The following DPYS variants were observed in gnomAD, a reference collection of about 807,000 sequenced individuals.
DPYS encodes the protein dihydropyrimidine amidohydrolase.
DPYS carries 39 observed loss-of-function variants against 50.3 expected under a neutral mutation model. That is an observed-to-expected ratio of 0.78 (90% CI 0.60 to 1.01). DPYS has a LOEUF of 1.01. DPYS is among the 50% of genes least tolerant of loss of function. The pLI is 0.00. For synonymous variants in DPYS, 245 were observed against 250.7 expected, an observed-to-expected ratio of 0.98 and a Z score of 0.22; for missense variants, 659 against 680.9, an observed-to-expected ratio of 0.97 and a Z score of 0.36.
chr8:104,381,470 G>T, intron 8 of DPYS, 156 bp from the exon 9 acceptor site: 2 of 677,636 alleles, frequency 3.0e-6, no homozygotes, highest in Non-Finnish European at 5.2e-6. Context: ...GAAATTCCTG[G>T]CAACCTTGAG....
chr8:104,423,873 A>G (rs1812633385), intron 7 of DPYS: 1 of 710,038 alleles, frequency 1.4e-6, no homozygotes, highest in African/African-American at 1.9e-5. Context: ...AAAGCTTTAA[A>G]AAGGCTGTAA....
intron 7 of DPYS, among the ~76,000 whole-genome samples, chr8:104,409,078 G>A (rs1371578905): frequency 6.6e-6 from 1 of 151,804 alleles, no homozygotes; most frequent in African/African-American, 2.4e-5. Flanking sequence ...TTACAGGTGT[G>A]AGCCACTGTG....
intron 7 of DPYS, chr8:104,419,503 G>T (rs1212188988): frequency 6.6e-6 from 1 of 152,266 alleles, no homozygotes; most frequent in Non-Finnish European, 1.5e-5. Flanking sequence ...AAGGGGTGGG[G>T]AAAACAGCTG....
At chr8:104,405,428 C>A (rs1811963471) in intron 7 of DPYS, among the ~76,000 whole-genome samples, 1 of 152,190 alleles carries the variant, frequency 6.6e-6, no homozygotes, top group Admixed American at 6.5e-5. Context: ...CTCATTCAAA[C>A]AATTACCTAC....
In DPYS at chr8:104,379,629, C is replaced by T. The variant is rs944935302; in HGVS notation, c.*229G>A. 8.7e-6 allele frequency: 2 copies of T among 228,628 alleles called. No individual in the cohort carries two copies. Among genetic ancestry groups the T allele is most frequent in the South Asian group, 5.2e-5 (1 of 19,326 alleles). The allele number at this position is 228,628 out of a possible 1,614,324, so 14.2% of individuals were successfully genotyped here. On this transcript the variant is annotated 3_prime_UTR_variant, in exon 10 of 10. Transcript: ENST00000351513. ...TCAATGAATTTCCACACAGCCTTTC[C>T]ATCACAATAATATAAATTTATACCT...
chr8:104,449,254 A>G, intron 2 of DPYS, among the ~76,000 whole-genome samples: 1 of 152,352 alleles, frequency 6.6e-6, no homozygotes, highest in African/African-American at 2.4e-5. Flanking sequence ...AAACATTGTT[A>G]GCATATTCAC....
chr8:104,440,987 A>G (rs1813334388), intron 4 of DPYS, among the ~76,000 whole-genome samples: 1 of 152,288 alleles, frequency 6.6e-6, no homozygotes, highest in Middle Eastern at 3.4e-3. Flanking sequence ...CTACCCAGGG[A>G]TCTGTCCTTT....
At chr8:104,404,293 G>A (rs1811922727) in intron 7 of DPYS, among the ~76,000 whole-genome samples, 1 of 152,146 alleles carries the variant, frequency 6.6e-6, no homozygotes, top group Non-Finnish European at 1.5e-5. Context: ...GGGTCTGTAA[G>A]CTGTTTTGGA....
intron 7 of DPYS, among the ~76,000 whole-genome samples, chr8:104,393,955 C>A (rs1811491473): frequency 6.6e-6 from 1 of 152,148 alleles, no homozygotes; most frequent in Admixed American, 6.6e-5. Context: ...TCCCTCACCC[C>A]TTCCCACCCT....
In DPYS at chr8:104,447,585, C is replaced by T. The variant is rs777465944; in HGVS notation, c.424-82G>A. The T allele has an allele frequency of 5.0e-5, 74 of 1,488,118 alleles. No individual in the cohort carries two copies. In the East Asian group the frequency reaches 5.0e-4, roughly 10 times the overall value. 92.2% of individuals were successfully genotyped at this position (1,488,118 alleles called of 1,614,324 possible). A position where few individuals can be genotyped will look rare whatever the true frequency, so the allele number is the denominator to read the frequency against. ...TCAACCTTCTCTAAAACGTTGCATT[C>T]GGAAGAGAACTAAGTAAAATAAGGA... is the stretch of plus-strand genomic sequence containing the variant. On this transcript the variant is annotated intron_variant, in intron 2 of 9. Coordinates refer to ENST00000351513, the MANE Select transcript of DPYS (RefSeq NM_001385.3).
intron 7 of DPYS, among the ~76,000 whole-genome samples, chr8:104,404,825 G>C (rs369701989): frequency 5.9e-5 from 9 of 152,244 alleles, no homozygotes; most frequent in African/African-American, 1.9e-4. Context: ...CAGCAGAGTT[G>C]AGTACTAGCA....
chr8:104,450,809 A>G (rs1813711952), intron 2 of DPYS, among the ~76,000 whole-genome samples: 1 of 152,210 alleles, frequency 6.6e-6, no homozygotes, highest in South Asian at 2.1e-4. Context: ...CTAGTTCTAG[A>G]GAATTCTAAA....
Position 104,451,320 on chromosome 8 carries a change from A to C in DPYS, c.349T>G (p.Trp117Gly). 6.2e-7 allele frequency: 1 copy of C among 1,614,222 alleles called. No individual in the cohort carries two copies. The highest frequency in any genetic ancestry group is 2.2e-5 in the East Asian group (1 of 44,886). Residue 117 changes from tryptophan (W) to glycine (G), a missense_variant, in exon 2 of 10, where the codon TGG becomes GGG. Transcript: ENST00000351513. ...ACTTTGGGATCAGCCCAGCTTCGCC[A>C]GGTCTCGAAGGCCTCAATGAGGGAG... ...GGSLIEAFET[W>G]RSWADPKVCC... is the part of the protein sequence containing the mutation.
At position 104,381,331 on chromosome 8, in the gene DPYS, C is replaced by T. The variant is rs774996693; in HGVS notation, c.1444-17G>A. 2.0e-5 allele frequency: 32 copies of T among 1,601,272 alleles called. No homozygotes were observed. The South Asian group carries it at 3.4e-4, about 17-fold the overall frequency. ...TGTGCAAGTCTGAAAGAGAACATTT[C>T]ATTTCTCTCTTGTGGTTTATTTTCT... On this transcript the variant is annotated splice_polypyrimidine_tract_variant and intron_variant, in intron 8 of 9. Transcript: ENST00000351513.
chr8:104,395,325 T>A (rs573105321), intron 7 of DPYS, among the ~76,000 whole-genome samples: 1 of 152,322 alleles, frequency 6.6e-6, no homozygotes, highest in East Asian at 1.9e-4. Context: ...TTATATTTTT[T>A]AAATTTACAA....
chr8:104,398,275 C>A (rs1361521916), intron 7 of DPYS, among the ~76,000 whole-genome samples: 2 of 152,220 alleles, frequency 1.3e-5, no homozygotes, highest in East Asian at 3.9e-4. Context: ...TGGGTCAATC[C>A]TGGGTTTAGG....
intron 4 of DPYS, among the ~76,000 whole-genome samples, chr8:104,439,834 G>T (rs748099996): frequency 2.0e-5 from 3 of 152,124 alleles, no homozygotes; most frequent in Non-Finnish European, 4.4e-5. Context: ...TTGATATCCA[G>T]GTTTTCCCAA....
At chr8:104,384,786 A>G (rs1370014923) in intron 8 of DPYS, among the ~76,000 whole-genome samples, 1 of 152,248 alleles carries the variant, frequency 6.6e-6, no homozygotes, top group Non-Finnish European at 1.5e-5. Flanking sequence ...TTTATGCAGC[A>G]TAAAACACAT....
At chr8:104,395,332 A>G (rs1036951174) in intron 7 of DPYS, among the ~76,000 whole-genome samples, 24 of 152,328 alleles carry the variant, frequency 1.6e-4, no homozygotes, top group African/African-American at 5.5e-4. Flanking sequence ...TTTTAAATTT[A>G]CAATAAAAAT....
Sources: gnomAD v4.1 joint callset for allele counts (sites outside exome capture counted in the v4.1 genomes callset) on GRCh38, gnomAD v4.1.1 for gene constraint, MANE v1.5 for transcripts, NCBI Gene and HGNC (gene_info 2026-07-23, HGNC 2026-07-21) for gene names.